ATG7: variants seen among roughly 807,000 people sequenced by gnomAD.
ATG7 encodes the protein autophagy related 7, also known as ubiquitin-like modifier-activating enzyme ATG7.
A neutral mutation model predicts 82.4 loss-of-function variants in ATG7; 70 were observed. The ratio of observed to expected loss-of-function variants is 0.85; its 90% CI spans 0.70 to 1.04. The LOEUF (loss-of-function observed/expected upper bound fraction) is 1.04, where lower values mean the gene tolerates loss of function less well. Ranked by LOEUF, ATG7 falls within the 50% of genes least tolerant of loss-of-function variation. ATG7 has a pLI of 0.00. For synonymous variants in ATG7, 287 were observed against 313.0 expected (o/e 0.92, Z 0.88); for missense variants, 792 against 864.3 (o/e 0.92, Z 1.05).
intron 16 of ATG7, among the ~76,000 whole-genome samples, chr3:11,361,341 G>C (rs1230307538): frequency 1.3e-5 from 2 of 150,576 alleles, no homozygotes; most frequent in African/African-American, 4.9e-5. Flanking sequence ...CTCGAGTGCA[G>C]TGGCACAATC....
intron 11 of ATG7, among the ~76,000 whole-genome samples, chr3:11,333,663 T>C (rs528386257): frequency 1.3e-5 from 2 of 152,038 alleles, no homozygotes; most frequent in Non-Finnish European, 2.9e-5. Flanking sequence ...TATACACATA[T>C]ATATATTTAC....
Position 11,371,801 on chromosome 3 carries a change from A to G in ATG7, c.1875+7067A>G, listed in dbSNP as rs569536594. ...CTTTTTGAATTTTGTGCTTCCACCA[A>G]CACTAGTTGTGTTTCTAAAAGACCC... On this transcript the variant is annotated intron_variant, in intron 18 of 20. Transcript: ENST00000693202. 1.2e-4 allele frequency among the ~76,000 whole-genome samples: 18 copies of G among 151,290 alleles called. 1 individual carries two copies. The South Asian group carries it at 3.5e-3, about 30-fold the overall frequency.
At chr3:11,475,968 T>A (rs1365096538) in intron 20 of ATG7, among the ~76,000 whole-genome samples, 1 of 151,504 alleles carries the variant, frequency 6.6e-6, no homozygotes, top group African/African-American at 2.4e-5. Flanking sequence ...CTGTCTGAAA[T>A]GTTTACATTG....
chr3:11,445,041 A>G (rs1281714042), intron 20 of ATG7, among the ~76,000 whole-genome samples: 2 of 152,228 alleles, frequency 1.3e-5, no homozygotes, highest in African/African-American at 4.8e-5. Context: ...CTATTATGAA[A>G]AAGTCAAACA....
intron 20 of ATG7, among the ~76,000 whole-genome samples, chr3:11,533,315 A>C (rs1468159629): frequency 1.3e-5 from 2 of 152,206 alleles, no homozygotes; most frequent in East Asian, 3.8e-4. Flanking sequence ...ATGATCTCTT[A>C]GTGGTTATTT....
At position 11,348,944 on chromosome 3, in the gene ATG7, C is replaced by T. The variant is rs566466171; in HGVS notation, c.1284+909C>T. 5.3e-5 allele frequency among the ~76,000 whole-genome samples: 8 copies of T among 151,968 alleles called. No homozygotes were observed. In the East Asian group the frequency reaches 5.8e-4, roughly 11 times the overall value. On this transcript the variant is annotated intron_variant, in intron 14 of 20. Transcript: ENST00000693202. ...TGTTTTTACAGAGTGCTGATTGGTG[C>T]GTTTACAATCCTCCAGCTAGACACA...
At chr3:11,454,114 A>T (rs890779207) in intron 20 of ATG7, among the ~76,000 whole-genome samples, 4 of 152,128 alleles carry the variant, frequency 2.6e-5, no homozygotes, top group Non-Finnish European at 5.9e-5. Context: ...CCCTAGAGAG[A>T]CACTGAGCTC....
chr3:11,304,022 C>A (rs897457154), intron 5 of ATG7, among the ~76,000 whole-genome samples: 1 of 151,646 alleles, frequency 6.6e-6, no homozygotes, highest in East Asian at 1.9e-4. Context: ...ACCTGGGAGG[C>A]GGAGCTTGCA....
chr3:11,508,110 C>T (rs565643097), intron 20 of ATG7, among the ~76,000 whole-genome samples: 4 of 152,150 alleles, frequency 2.6e-5, no homozygotes, highest in South Asian at 2.1e-4. Context: ...CAAAAATGTG[C>T]TGTTTACTCT....
intron 20 of ATG7, among the ~76,000 whole-genome samples, chr3:11,530,323 T>C (rs909329310): frequency 3.3e-5 from 5 of 152,194 alleles, no homozygotes; most frequent in Non-Finnish European, 7.3e-5. Flanking sequence ...CCTGTGCTGT[T>C]AGCAGGCTGC....
chr3:11,469,988 C>CAAAAAAAAAAAAAAAAAAAAAA (rs10628540), intron 20 of ATG7, among the ~76,000 whole-genome samples: 1 of 87,574 alleles, frequency 1.1e-5, no homozygotes, highest in African/African-American at 4.8e-5. Flanking sequence ...GACTCCATCT[C>CAAAAAAAAAAAAAAAAAAAAAA]AAAAAAAAAA....
chr3:11,499,530 G>A (rs1348392165), intron 20 of ATG7, among the ~76,000 whole-genome samples: 3 of 152,148 alleles, frequency 2.0e-5, no homozygotes, highest in African/African-American at 7.2e-5. Flanking sequence ...CGGATCACCT[G>A]AGGTCAGGAG....
chr3:11,389,322 C>T (rs1458403758), intron 19 of ATG7, among the ~76,000 whole-genome samples: 4 of 144,008 alleles, frequency 2.8e-5, no homozygotes, highest in Non-Finnish European at 6.0e-5. Flanking sequence ...GTTCATATAA[C>T]ATGTTATACT....
intron 20 of ATG7, among the ~76,000 whole-genome samples, chr3:11,495,936 A>G (rs1000773569): frequency 2.0e-5 from 3 of 152,176 alleles, no homozygotes; most frequent in Non-Finnish European, 4.4e-5. Context: ...AAGGACTTAT[A>G]CTATATTGTG....
At chr3:11,417,805 A>ATTTTTTTTTTTTTTTTTTTTTTTTTTT (rs200364263) in intron 19 of ATG7, among the ~76,000 whole-genome samples, 1 of 52,742 alleles carries the variant, frequency 1.9e-5, no homozygotes, top group African/African-American at 6.5e-5. Flanking sequence ...TTATTATTTT[A>ATTTTTTTTTTTTTTTTTTTTTTTTTTT]TTTTATTTTA....
chr3:11,560,711 A>T (rs1266087717), downstream of ATG7, among the ~76,000 whole-genome samples: 1 of 152,210 alleles, frequency 6.6e-6, no homozygotes, highest in East Asian at 1.9e-4. Flanking sequence ...GCTTAGCAAC[A>T]GCAGACCAAC....
chr3:11,565,144 G>C, the ATG7 span: 4 of 998,240 alleles, frequency 4.0e-6, no homozygotes, highest in Non-Finnish European at 5.4e-6. The surrounding 1 kb of genome is among the most constrained non-coding windows in gnomAD (Gnocchi z 4.1). Flanking sequence ...GTGTGGCTGG[G>C]CAGCACGATG....
chr3:11,306,025 A>G (rs903422617), intron 5 of ATG7, among the ~76,000 whole-genome samples: 1 of 152,242 alleles, frequency 6.6e-6, no homozygotes, highest in Non-Finnish European at 1.5e-5. Context: ...ATGCAAGTTA[A>G]TCATTTCAGA....
chr3:11,362,283 T>C (rs2076333966), intron 16 of ATG7, among the ~76,000 whole-genome samples: 1 of 152,164 alleles, frequency 6.6e-6, no homozygotes, highest in African/African-American at 2.4e-5. Context: ...AAAATACTTG[T>C]AGTAAACCCT....
Sources: allele counts gnomAD v4.1 joint callset (sites outside exome capture counted in the v4.1 genomes callset), GRCh38; gene constraint gnomAD v4.1.1; non-coding constraint Gnocchi (gnomAD v3.1); transcripts MANE v1.5; gene names NCBI Gene and HGNC (gene_info 2026-07-23, HGNC 2026-07-21).